SPOCK3: variants seen among roughly 807,000 people sequenced by gnomAD.
SPOCK3 encodes the protein testican-3.
SPOCK3 carries 30 observed loss-of-function variants against 56.6 expected under a neutral mutation model. That is an observed-to-expected ratio of 0.53 (90% CI 0.40 to 0.72). SPOCK3 has a LOEUF of 0.72. Among genes scored for constraint, SPOCK3 ranks in the 30% least tolerant of loss-of-function variants. The pLI, the probability that SPOCK3 is intolerant of heterozygous loss-of-function variation, is 0.00. For missense variants in SPOCK3, 527 were observed against 530.0 expected, an observed-to-expected ratio of 0.99 and a Z score of 0.06; for synonymous variants, 196 against 183.3, an observed-to-expected ratio of 1.07 and a Z score of -0.56.
intron 3 of SPOCK3, among the ~76,000 whole-genome samples, chr4:167,014,276 G>GT (rs35966501): frequency 0.15 from 20,422 of 138,836 alleles, 1,532 homozygotes; most frequent in Non-Finnish European, 0.18. Flanking sequence ...TCTTGAGTGG[G>GT]TTTTTTTTTT....
At chr4:167,139,543 C>A (rs1763369093) in intron 2 of SPOCK3, among the ~76,000 whole-genome samples, 1 of 151,850 alleles carries the variant, frequency 6.6e-6, no homozygotes, top group African/African-American at 2.4e-5. Context: ...AATTAATAGT[C>A]AATTTCTTGA....
chr4:167,223,616 C>T (rs962773735), intron 2 of SPOCK3, among the ~76,000 whole-genome samples: 2 of 151,816 alleles, frequency 1.3e-5, no homozygotes, highest in African/African-American at 4.8e-5. Context: ...AATGGATTAA[C>T]AGTTGCACAT....
chr4:166,774,543 G>T (rs781671869), intron 7 of SPOCK3, among the ~76,000 whole-genome samples: 2 of 152,148 alleles, frequency 1.3e-5, no homozygotes, highest in East Asian at 3.9e-4. Context: ...ATGTACATTT[G>T]TTCTCACCTG....
chr4:166,958,113 C>A (rs1009876555), intron 4 of SPOCK3, among the ~76,000 whole-genome samples: 1 of 152,078 alleles, frequency 6.6e-6, no homozygotes, highest in African/African-American at 2.4e-5. Context: ...GTTGATTGGA[C>A]CATGGGGGTG....
chr4:167,144,721 A>AG (rs1324590533), intron 2 of SPOCK3, among the ~76,000 whole-genome samples: 3 of 69,150 alleles, frequency 4.3e-5, no homozygotes, highest in Admixed American at 1.9e-4. Context: ...GCAGATATCT[A>AG]GGAAAAAAAA....
At chr4:166,754,846 G>A in intron 7 of SPOCK3, 117 bp from the exon 8 acceptor site, 2 of 839,148 alleles carry the variant, frequency 2.4e-6, no homozygotes, top group Middle Eastern at 2.9e-4. Flanking sequence ...AGTTAGAGAA[G>A]TAGAGCATTA....
intron 2 of SPOCK3, among the ~76,000 whole-genome samples, chr4:167,222,662 TAA>T (rs1736079431): frequency 7.4e-6 from 1 of 135,582 alleles, no homozygotes; most frequent in Admixed American, 7.7e-5. Flanking sequence ...TATAAATATA[TAA>T]ACATAGATAT....
chr4:167,048,828 A>G (rs966372195), intron 3 of SPOCK3, among the ~76,000 whole-genome samples: 1 of 152,186 alleles, frequency 6.6e-6, no homozygotes, highest in African/African-American at 2.4e-5. Flanking sequence ...GGCACAATTA[A>G]TTACACAATA....
At chr4:167,206,864 T>A (rs999411787) in intron 2 of SPOCK3, among the ~76,000 whole-genome samples, 1 of 152,058 alleles carries the variant, frequency 6.6e-6, no homozygotes, top group East Asian at 1.9e-4. Flanking sequence ...AAAAAAAATC[T>A]GTTATAGGAT....
intron 2 of SPOCK3, among the ~76,000 whole-genome samples, chr4:167,202,074 C>T (rs1733568777): frequency 6.6e-6 from 1 of 151,832 alleles, no homozygotes; most frequent in Non-Finnish European, 1.5e-5. Context: ...TATTAAATAA[C>T]AGTATAGAAA....
At chr4:167,205,504 T>TTATATATATTA (rs1280021428) in intron 2 of SPOCK3, among the ~76,000 whole-genome samples, 1 of 56,344 alleles carries the variant, frequency 1.8e-5, no homozygotes, top group African/African-American at 7.9e-5. Flanking sequence ...ATAATATATA[T>TTATATATATTA]TATATAATAT....
At chr4:167,154,794 T>C (rs923779059) in intron 2 of SPOCK3, among the ~76,000 whole-genome samples, 2 of 152,154 alleles carry the variant, frequency 1.3e-5, no homozygotes, top group South Asian at 4.1e-4. Context: ...GAGTCCATGG[T>C]TGAGAAATAG....
chr4:166,956,132 G>A (rs1025867144), intron 4 of SPOCK3, among the ~76,000 whole-genome samples: 14 of 151,894 alleles, frequency 9.2e-5, no homozygotes, highest in African/African-American at 3.4e-4. Flanking sequence ...ATTAGTTCAG[G>A]TTACATTAGT....
chr4:167,202,759 A>T (rs750601624), intron 2 of SPOCK3, among the ~76,000 whole-genome samples: 17 of 120,028 alleles, frequency 1.4e-4, no homozygotes, highest in Non-Finnish European at 2.4e-4. Context: ...TGTATTCAAT[A>T]AAAAAAAAAA....
chr4:167,070,175 C>T (rs1756538419), intron 2 of SPOCK3, among the ~76,000 whole-genome samples: 1 of 151,894 alleles, frequency 6.6e-6, no homozygotes, highest in Non-Finnish European at 1.5e-5. Flanking sequence ...ATTTTGGGCC[C>T]CTAGTCTTCT....
intron 2 of SPOCK3, among the ~76,000 whole-genome samples, chr4:167,148,284 GAGCCTCTACTTCACAACAAAGAATTATTC>G (rs1764142464): frequency 6.6e-6 from 1 of 152,080 alleles, no homozygotes; most frequent in Non-Finnish European, 1.5e-5. Context: ...ACAAAGAGGA[GAGCCTCTACTTCACAACAAAGAATTATTC>G]AGCCAAATAT....
intron 7 of SPOCK3, among the ~76,000 whole-genome samples, chr4:166,771,049 T>C (rs1419663902): frequency 6.7e-6 from 1 of 148,914 alleles, no homozygotes; most frequent in Non-Finnish European, 1.5e-5. Context: ...TGATAGATTA[T>C]ATAAATATAA....
chr4:167,215,280 T>C (rs1254513491), intron 2 of SPOCK3, among the ~76,000 whole-genome samples: 1 of 152,102 alleles, frequency 6.6e-6, no homozygotes, highest in Non-Finnish European at 1.5e-5. Context: ...TTTGCTTCAC[T>C]TACCCATATT....
At chr4:166,936,289 T>C (rs1034999701) in intron 4 of SPOCK3, among the ~76,000 whole-genome samples, 10 of 152,082 alleles carry the variant, frequency 6.6e-5, no homozygotes, top group Non-Finnish European at 5.9e-5. Flanking sequence ...AAAAAGTTCT[T>C]GTCTGATTTT....
Sources: allele counts gnomAD v4.1 joint callset (sites outside exome capture counted in the v4.1 genomes callset), GRCh38; gene constraint gnomAD v4.1.1; transcripts MANE v1.5; gene names NCBI Gene and HGNC (gene_info 2026-07-23, HGNC 2026-07-21).